LRRC7: variants seen among roughly 807,000 people sequenced by gnomAD.
LRRC7 encodes leucine-rich repeat-containing protein 7.
A neutral mutation model predicts 175.7 loss-of-function variants in LRRC7; 23 were observed. The ratio of observed to expected loss-of-function variants is 0.13; its 90% CI spans 0.09 to 0.19. The LOEUF is 0.19. LRRC7 is among the 10% of genes least tolerant of loss of function. The pLI, the probability that LRRC7 is intolerant of heterozygous loss-of-function variation, is 1.00. For synonymous variants in LRRC7, 685 were observed against 680.9 expected, an observed-to-expected ratio of 1.01 and a Z score of -0.09; for missense variants, 1,354 against 1,904.7, an observed-to-expected ratio of 0.71 and a Z score of 5.38.
At chr1:69,621,775 T>G (rs1379464224) in intron 1 of LRRC7, among the ~76,000 whole-genome samples, 1 of 152,184 alleles carries the variant, frequency 6.6e-6, no homozygotes, top group African/African-American at 2.4e-5. Context: ...CCATGTAGTT[T>G]CCCTAAACCC....
At chr1:69,945,754 A>G (rs1025196688) in intron 8 of LRRC7, among the ~76,000 whole-genome samples, 2 of 152,040 alleles carry the variant, frequency 1.3e-5, no homozygotes. Context: ...TTTTTATGCT[A>G]TGATAAATGG....
At chr1:69,740,184 C>T (rs1570581692) in intron 2 of LRRC7, among the ~76,000 whole-genome samples, 1 of 152,174 alleles carries the variant, frequency 6.6e-6, no homozygotes, top group East Asian at 1.9e-4. Flanking sequence ...AACTGGGTGG[C>T]TTAAGCAAAA....
intron 8 of LRRC7, among the ~76,000 whole-genome samples, chr1:69,960,919 C>T (rs1054929915): frequency 6.6e-6 from 1 of 152,108 alleles, no homozygotes; most frequent in Non-Finnish European, 1.5e-5. Context: ...TGAAAACTAG[C>T]AAAAGACAAG....
chr1:70,088,261 A>C (rs892566002), intron 24 of LRRC7, among the ~76,000 whole-genome samples: 1 of 152,138 alleles, frequency 6.6e-6, no homozygotes, highest in African/African-American at 2.4e-5. Context: ...CTCTGTACTT[A>C]AAAGTTGTAA....
At chr1:69,830,649 G>A (rs1680425012) in intron 5 of LRRC7, among the ~76,000 whole-genome samples, 1 of 151,556 alleles carries the variant, frequency 6.6e-6, no homozygotes, top group Non-Finnish European at 1.5e-5. Context: ...AATCCTATGA[G>A]GAAAATAAAG....
At chr1:69,928,713 C>A (rs1353623988) in intron 7 of LRRC7, among the ~76,000 whole-genome samples, 1 of 152,208 alleles carries the variant, frequency 6.6e-6, no homozygotes, top group African/African-American at 2.4e-5. Context: ...CGTCTGTCAC[C>A]CCTTTCTTTG....
At chr1:69,681,837 A>G (rs1208667888) in intron 2 of LRRC7, among the ~76,000 whole-genome samples, 1 of 152,114 alleles carries the variant, frequency 6.6e-6, no homozygotes, top group Non-Finnish European at 1.5e-5. Context: ...TTTTGTTCAG[A>G]GCACCAGTAA....
intron 2 of LRRC7, among the ~76,000 whole-genome samples, chr1:69,754,540 G>A (rs1670194656): frequency 6.6e-6 from 1 of 151,966 alleles, no homozygotes; most frequent in South Asian, 2.1e-4. Flanking sequence ...AACAGTAATT[G>A]CTAACACTAA....
intron 7 of LRRC7, among the ~76,000 whole-genome samples, chr1:69,929,487 G>C (rs1038990290): frequency 6.6e-6 from 1 of 152,080 alleles, no homozygotes; most frequent in African/African-American, 2.4e-5. Context: ...ATTCCCCACA[G>C]CTGACTCATC....
chr1:69,753,959 CCAT>C (rs1670127537), intron 2 of LRRC7, among the ~76,000 whole-genome samples: 1 of 151,900 alleles, frequency 6.6e-6, no homozygotes, highest in Non-Finnish European at 1.5e-5. Context: ...GCAGAGGTAG[CCAT>C]AGATCTGAAG....
At chr1:69,778,221 T>C (rs748823347) in intron 3 of LRRC7, among the ~76,000 whole-genome samples, 4 of 152,204 alleles carry the variant, frequency 2.6e-5, no homozygotes, top group Non-Finnish European at 2.9e-5. Context: ...TTACCATGTA[T>C]ACAATTCCAT....
intron 11 of LRRC7, among the ~76,000 whole-genome samples, chr1:69,996,272 C>T (rs1323290658): frequency 5.3e-5 from 8 of 151,898 alleles, no homozygotes; most frequent in East Asian, 1.9e-4. Context: ...CTAGTAAATT[C>T]GTTGGAGTTC....
At chr1:69,575,511 C>T (rs967669801) in intron 1 of LRRC7, among the ~76,000 whole-genome samples, 2 of 152,000 alleles carry the variant, frequency 1.3e-5, no homozygotes, top group East Asian at 1.9e-4. Context: ...TAGGCAGACT[C>T]CTATGCTATA....
At chr1:69,695,116 A>G (rs982757103) in intron 2 of LRRC7, among the ~76,000 whole-genome samples, 3 of 152,194 alleles carry the variant, frequency 2.0e-5, no homozygotes, top group Non-Finnish European at 4.4e-5. Flanking sequence ...TGTGACCAAA[A>G]TGCTGATAGA....
chr1:70,004,145 TA>T (rs1322999187), intron 11 of LRRC7, among the ~76,000 whole-genome samples: 1 of 152,210 alleles, frequency 6.6e-6, no homozygotes, highest in Non-Finnish European at 1.5e-5. Context: ...ATTTCAGAGG[TA>T]AAATCTAGAT....
In LRRC7 at chr1:69,772,648, G is replaced by T. The variant is rs187964645; in HGVS notation, c.303+12255G>T. 1.9e-3 allele frequency among the ~76,000 whole-genome samples: 284 copies of T among 152,286 alleles called. 1 individual carries two copies. The highest frequency in any genetic ancestry group is 6.2e-3 in the African/African-American group (256 of 41,552). On this transcript the variant is annotated intron_variant, in intron 3 of 26. Coordinates refer to ENST00000651989, the MANE Select transcript of LRRC7 (RefSeq NM_001370785.2). ...GCTATTGCAGTTGTTCAGGTGAGAGGTTGGTGGCTTCAACTAGACTGACAA... is the reference window on the plus strand; with the variant it reads ...GCTATTGCAGTTGTTCAGGTGAGAGTTTGGTGGCTTCAACTAGACTGACAA...
intron 23 of LRRC7, among the ~76,000 whole-genome samples, chr1:70,057,593 G>T (rs1042467675): frequency 2.0e-5 from 3 of 151,566 alleles, no homozygotes; most frequent in African/African-American, 7.3e-5. Context: ...AGCCTCTGTA[G>T]ATTTTTTTTT....
intron 1 of LRRC7, among the ~76,000 whole-genome samples, chr1:69,676,599 T>C (rs1245867081): frequency 6.6e-6 from 1 of 152,080 alleles, no homozygotes; most frequent in Non-Finnish European, 1.5e-5. Flanking sequence ...CAAGTTGTGT[T>C]TGATTAATTT....
chr1:70,061,083 T>A (rs1291084533), intron 23 of LRRC7, among the ~76,000 whole-genome samples: 1 of 152,078 alleles, frequency 6.6e-6, no homozygotes, highest in South Asian at 2.1e-4. Flanking sequence ...ATGAGAACAA[T>A]CTTCTCCATC....
Sources: allele counts gnomAD v4.1 joint callset (sites outside exome capture counted in the v4.1 genomes callset), GRCh38; gene constraint gnomAD v4.1.1; transcripts MANE v1.5; gene names NCBI Gene and HGNC (gene_info 2026-07-23, HGNC 2026-07-21).